NXPH1: variants seen among roughly 807,000 people sequenced by gnomAD.
NXPH1 encodes neurexophilin-1.
NXPH1 carries 5 observed loss-of-function variants against 23.7 expected under a neutral mutation model. The observed-to-expected ratio is 0.21, with a 90% confidence interval of 0.11 to 0.44. The LOEUF is 0.44. Ranked by LOEUF, NXPH1 falls within the 20% of genes least tolerant of loss-of-function variation. NXPH1 has a pLI of 0.99. For synonymous variants in NXPH1, 144 were observed against 122.2 expected, an observed-to-expected ratio of 1.18 and a Z score of -1.18; for missense variants, 324 against 321.6, an observed-to-expected ratio of 1.01 and a Z score of -0.06.
chr7:8,435,443 T>C lies in NXPH1; in HGVS notation c.-110-161T>C, dbSNP rs1816174706. The C allele has an allele frequency of 3.8e-6, 2 of 530,068 alleles. No individual in the cohort carries two copies. Among genetic ancestry groups the C allele is most frequent in the Admixed American group, 3.3e-5 (1 of 30,562 alleles). 32.8% of individuals were successfully genotyped at this position (530,068 alleles called of 1,614,324 possible). A position where few individuals can be genotyped will look rare whatever the true frequency, so the allele number is the denominator to read the frequency against. ...CCCCAGCTGCGGACCGCGCGCTTGC[T>C]GGTCTCAGGCGCTGGATTTACTCGC... On this transcript the variant is annotated intron_variant, in intron 1 of 2. Transcript: ENST00000405863. The surrounding 1 kb of genome is among the most constrained non-coding windows in gnomAD (Gnocchi z 5.9).
At chr7:8,655,983 T>A (rs1331349085) in intron 2 of NXPH1, among the ~76,000 whole-genome samples, 1 of 152,234 alleles carries the variant, frequency 6.6e-6, no homozygotes, top group Non-Finnish European at 1.5e-5. Flanking sequence ...TCTCCCTAGC[T>A]ACACTAAACT....
chr7:8,520,769 T>C (rs939514776), intron 2 of NXPH1, among the ~76,000 whole-genome samples: 4 of 152,174 alleles, frequency 2.6e-5, no homozygotes, highest in African/African-American at 9.6e-5. Context: ...AGGAGAAATA[T>C]GCTGTTGAGT....
rs115742083 is a variant in NXPH1, at chr7:8,600,307, C to G, written c.55-150701C>G. 8.0e-3 allele frequency among the ~76,000 whole-genome samples: 1,210 copies of G among 152,198 alleles called. 21 individuals are homozygous for G. Among genetic ancestry groups the G allele is most frequent in the African/African-American group, 0.027 (1,136 of 41,518 alleles). On this transcript the variant is annotated intron_variant, in intron 2 of 2. Coordinates refer to ENST00000405863, the MANE Select transcript of NXPH1 (RefSeq NM_152745.3). The stretch of plus-strand genomic sequence containing the variant: ...AAAGCTAATTTGGAAACCTGAAATC[C>G]CAATCAGGAGATTTTGCAAGGTTCA...
intron 2 of NXPH1, among the ~76,000 whole-genome samples, chr7:8,693,899 G>C (rs1295489752): frequency 6.6e-6 from 1 of 152,108 alleles, no homozygotes; most frequent in East Asian, 1.9e-4. Flanking sequence ...AAGTGTCCCA[G>C]TTTGGACAAC....
intron 2 of NXPH1, among the ~76,000 whole-genome samples, chr7:8,438,152 G>A (rs1024555555): frequency 6.6e-6 from 1 of 152,188 alleles, no homozygotes; most frequent in Non-Finnish European, 1.5e-5. Flanking sequence ...CAGTCATTTC[G>A]GGATGGTTTT....
intron 2 of NXPH1, among the ~76,000 whole-genome samples, chr7:8,668,359 G>T (rs115290361): frequency 3.6e-4 from 54 of 150,710 alleles, no homozygotes; most frequent in African/African-American, 1.1e-3. Flanking sequence ...CTTTGTCTGG[G>T]AATACCCTTC....
At position 8,548,014 on chromosome 7, in the gene NXPH1, G is replaced by A. The variant is rs180982057; in HGVS notation, c.54+112247G>A. ...TGGGTAGATACCTACTAGTGGGATT[G>A]CTGGGTCAAATAATAGTTCTATTTT... On this transcript the variant is annotated intron_variant, in intron 2 of 2. Coordinates refer to ENST00000405863, the MANE Select transcript of NXPH1 (RefSeq NM_152745.3). 6.1e-4 allele frequency among the ~76,000 whole-genome samples: 92 copies of A among 151,540 alleles called. 2 individuals are homozygous for A. The East Asian group carries it at 0.016, about 26-fold the overall frequency.
At chr7:8,597,942 A>G (rs527675252) in intron 2 of NXPH1, among the ~76,000 whole-genome samples, 1 of 151,846 alleles carries the variant, frequency 6.6e-6, no homozygotes, top group Non-Finnish European at 1.5e-5. Flanking sequence ...TTTACTGCGG[A>G]GAGTGGTCCT....
intron 2 of NXPH1, among the ~76,000 whole-genome samples, chr7:8,553,963 T>C (rs1437867594): frequency 6.6e-6 from 1 of 151,614 alleles, no homozygotes; most frequent in East Asian, 2.0e-4. Flanking sequence ...AGGAAAATAA[T>C]CCTTTGATTT....
intron 2 of NXPH1, among the ~76,000 whole-genome samples, chr7:8,580,224 A>AT (rs1212790738): frequency 6.6e-6 from 1 of 152,182 alleles, no homozygotes; most frequent in African/African-American, 2.4e-5. Flanking sequence ...CGAATCAAGA[A>AT]TGGGTATGGG....
chr7:8,525,335 G>T (rs996385170), intron 2 of NXPH1, among the ~76,000 whole-genome samples: 7 of 152,200 alleles, frequency 4.6e-5, no homozygotes, highest in African/African-American at 1.7e-4. Flanking sequence ...GGTAACTTGG[G>T]TGCTATTAAA....
chr7:8,686,317 A>G (rs1821144931), intron 2 of NXPH1, among the ~76,000 whole-genome samples: 1 of 152,134 alleles, frequency 6.6e-6, no homozygotes, highest in South Asian at 2.1e-4. Context: ...ATTGCTGTCA[A>G]AATTCAAAAA....
chr7:8,619,393 C>A (rs977345946), intron 2 of NXPH1, among the ~76,000 whole-genome samples: 4 of 152,136 alleles, frequency 2.6e-5, no homozygotes, highest in African/African-American at 9.7e-5. Context: ...GTGTCCATTG[C>A]CAACTCTTTA....
intron 2 of NXPH1, among the ~76,000 whole-genome samples, chr7:8,643,023 C>A (rs1820343350): frequency 6.6e-6 from 1 of 152,024 alleles, no homozygotes; most frequent in African/African-American, 2.4e-5. Context: ...CGCCACCATG[C>A]CTGGCTAATT....
chr7:8,664,982 A>G (rs934017953), intron 2 of NXPH1, among the ~76,000 whole-genome samples: 17 of 151,184 alleles, frequency 1.1e-4, no homozygotes, highest in African/African-American at 3.6e-4. Context: ...TTATCTCTTC[A>G]CTCTGTCAAT....
At chr7:8,504,659 T>C (rs1817492636) in intron 2 of NXPH1, among the ~76,000 whole-genome samples, 1 of 152,034 alleles carries the variant, frequency 6.6e-6, no homozygotes, top group Non-Finnish European at 1.5e-5. Context: ...ACTGAATGTT[T>C]GTGTTGCAAT....
At chr7:8,623,012 T>A (rs1819907499) in intron 2 of NXPH1, among the ~76,000 whole-genome samples, 1 of 152,038 alleles carries the variant, frequency 6.6e-6, no homozygotes, top group Non-Finnish European at 1.5e-5. Context: ...CTTGGAGAAA[T>A]CAGAAAGAGC....
chr7:8,521,257 C>G (rs1378209688), intron 2 of NXPH1, among the ~76,000 whole-genome samples: 1 of 152,174 alleles, frequency 6.6e-6, no homozygotes, highest in Non-Finnish European at 1.5e-5. Context: ...CTTGGCATCA[C>G]TGATGTCCCA....
At chr7:8,548,987 A>C (rs1818236435) in intron 2 of NXPH1, among the ~76,000 whole-genome samples, 1 of 151,576 alleles carries the variant, frequency 6.6e-6, no homozygotes, top group Non-Finnish European at 1.5e-5. Flanking sequence ...TTACACTCAG[A>C]AAAAATTATT....
Sources: allele counts gnomAD v4.1 joint callset (sites outside exome capture counted in the v4.1 genomes callset), GRCh38; gene constraint gnomAD v4.1.1; non-coding constraint Gnocchi (gnomAD v3.1); transcripts MANE v1.5; gene names NCBI Gene and HGNC (gene_info 2026-07-23, HGNC 2026-07-21).